Variants in CNTNAP2 observed in about 807,000 individuals in gnomAD.
CNTNAP2 encodes the protein contactin-associated protein-like 2.
CNTNAP2 carries 98 observed loss-of-function variants against 155.2 expected under a neutral mutation model. The ratio of observed to expected loss-of-function variants is 0.63; its 90% CI spans 0.54 to 0.75. The LOEUF (loss-of-function observed/expected upper bound fraction) is 0.75, where lower values mean the gene tolerates loss of function less well. Among genes scored for constraint, CNTNAP2 ranks in the 30% least tolerant of loss-of-function variants. CNTNAP2 has a pLI of 0.00. For synonymous variants in CNTNAP2, 651 were observed against 631.2 expected (o/e 1.03, Z -0.47); for missense variants, 1,727 against 1,688.1 (o/e 1.02, Z -0.40).
chr7:147,961,311 C>T lies in CNTNAP2; in HGVS notation c.2256-16551C>T, dbSNP rs566320349. ...TTCCTTTTGATCTATTTATTTGCTACACCAGGAATATTTGACATTTCCTGG... is the reference window on the plus strand; with the variant it reads ...TTCCTTTTGATCTATTTATTTGCTATACCAGGAATATTTGACATTTCCTGG... On this transcript the variant is annotated intron_variant, in intron 14 of 23. Transcript: ENST00000361727. 1.4e-3 allele frequency among the ~76,000 whole-genome samples: 213 copies of T among 152,288 alleles called. 1 individual carries two copies. The highest frequency in any genetic ancestry group is 5.0e-3 in the African/African-American group (207 of 41,574).
At chr7:148,208,160 G>C (rs1300810702) in intron 18 of CNTNAP2, among the ~76,000 whole-genome samples, 2 of 152,044 alleles carry the variant, frequency 1.3e-5, no homozygotes, top group African/African-American at 4.8e-5. Flanking sequence ...AGGCATGACA[G>C]AGCTGTGCCC....
rs371723238 is a variant in CNTNAP2, at chr7:146,151,698, GTATA to G, written c.97+34737_97+34740del. 1.1e-3 allele frequency among the ~76,000 whole-genome samples: 82 copies of G among 74,068 alleles called. 3 individuals carry two copies. Among genetic ancestry groups the G allele is most frequent in the African/African-American group, 3.1e-3 (76 of 24,902 alleles). 48.6% of individuals were successfully genotyped at this position (74,068 alleles called of 152,430 possible). A position where few individuals can be genotyped will look rare whatever the true frequency, so the allele number is the denominator to read the frequency against. ...TATATATATGTATATATATATATAT[GTATA>G]TATATATATATGTATATATATATAT... On this transcript the variant is annotated intron_variant, in intron 1 of 23. Transcript: ENST00000361727.
At chr7:146,354,386 A>G (rs1269424485) in intron 1 of CNTNAP2, among the ~76,000 whole-genome samples, 1 of 149,442 alleles carries the variant, frequency 6.7e-6, no homozygotes, top group East Asian at 2.0e-4. Flanking sequence ...GGTATATTTT[A>G]TTCTTCAGTT....
intron 14 of CNTNAP2, among the ~76,000 whole-genome samples, chr7:147,904,823 C>T (rs969269138): frequency 6.6e-6 from 1 of 151,776 alleles, no homozygotes; most frequent in Non-Finnish European, 1.5e-5. Context: ...AAATAGCTAT[C>T]ATTAATCTTT....
chr7:147,158,144 C>T (rs1180167346), intron 8 of CNTNAP2, among the ~76,000 whole-genome samples: 1 of 149,994 alleles, frequency 6.7e-6, no homozygotes, highest in Non-Finnish European at 1.5e-5. Flanking sequence ...CCAGTGACTT[C>T]TTATCTTTAG....
At chr7:147,974,551 G>A (rs1205109142) in intron 14 of CNTNAP2, among the ~76,000 whole-genome samples, 2 of 152,170 alleles carry the variant, frequency 1.3e-5, no homozygotes, top group African/African-American at 4.8e-5. Context: ...CTTGAACCCA[G>A]GAGGTGGAGG....
intron 4 of CNTNAP2, among the ~76,000 whole-genome samples, chr7:147,094,121 A>C: frequency 6.6e-6 from 1 of 152,108 alleles, no homozygotes; most frequent in Middle Eastern, 3.4e-3. Flanking sequence ...TGGCACCTCT[A>C]TACATTGCCC....
chr7:146,130,295 C>G (rs1797695381), intron 1 of CNTNAP2, among the ~76,000 whole-genome samples: 1 of 152,092 alleles, frequency 6.6e-6, no homozygotes, highest in Non-Finnish European at 1.5e-5. Flanking sequence ...GACTTTCTCT[C>G]TACAAAGAAA....
chr7:146,473,400 C>T (rs1796828511), intron 1 of CNTNAP2, among the ~76,000 whole-genome samples: 1 of 151,856 alleles, frequency 6.6e-6, no homozygotes, highest in Non-Finnish European at 1.5e-5. Flanking sequence ...CTTTTCCCTT[C>T]TTCTTTTCCT....
intron 12 of CNTNAP2, among the ~76,000 whole-genome samples, chr7:147,634,127 T>A (rs1168855538): frequency 6.6e-6 from 1 of 152,072 alleles, no homozygotes; most frequent in East Asian, 1.9e-4. Flanking sequence ...GGAAAAGAAG[T>A]CATTATATGA....
intron 21 of CNTNAP2, among the ~76,000 whole-genome samples, chr7:148,307,306 A>G (rs186173946): frequency 1.3e-5 from 2 of 152,238 alleles, no homozygotes; most frequent in African/African-American, 4.8e-5. Context: ...GTTCTTCACG[A>G]GCTTCCAGTG....
At chr7:147,274,576 C>T (rs1804851263) in intron 8 of CNTNAP2, among the ~76,000 whole-genome samples, 1 of 151,932 alleles carries the variant, frequency 6.6e-6, no homozygotes, top group Admixed American at 6.6e-5. Context: ...GACGTTAGTC[C>T]TTTGTCAGAT....
chr7:148,113,970 C>T (rs1804409963), intron 15 of CNTNAP2, among the ~76,000 whole-genome samples: 1 of 152,208 alleles, frequency 6.6e-6, no homozygotes, highest in Non-Finnish European at 1.5e-5. Flanking sequence ...TCCAGCCTTG[C>T]CTCCTCCACT....
chr7:148,193,485 ATT>A (rs1041903375), intron 18 of CNTNAP2, among the ~76,000 whole-genome samples: 1 of 151,706 alleles, frequency 6.6e-6, no homozygotes, highest in Non-Finnish European at 1.5e-5. Flanking sequence ...CATTTTCATA[ATT>A]TTTTTTTGTG....
intron 3 of CNTNAP2, among the ~76,000 whole-genome samples, chr7:146,961,763 C>G (rs918590002): frequency 6.6e-6 from 1 of 152,142 alleles, no homozygotes; most frequent in Non-Finnish European, 1.5e-5. Flanking sequence ...ACACAAGACA[C>G]AGTCTTGAGG....
chr7:146,386,937 C>T (rs1199100051), intron 1 of CNTNAP2, among the ~76,000 whole-genome samples: 4 of 152,076 alleles, frequency 2.6e-5, no homozygotes, highest in Non-Finnish European at 5.9e-5. Context: ...GAAGACTGGA[C>T]TCAAGTTCTT....
At chr7:146,293,496 G>A (rs544679916) in intron 1 of CNTNAP2, among the ~76,000 whole-genome samples, 1 of 152,126 alleles carries the variant, frequency 6.6e-6, no homozygotes, top group African/African-American at 2.4e-5. Flanking sequence ...TATAATGAAG[G>A]ATGCTTCTGA....
chr7:146,202,977 A>G (rs1003583857), intron 1 of CNTNAP2, among the ~76,000 whole-genome samples: 1 of 152,104 alleles, frequency 6.6e-6, no homozygotes, highest in African/African-American at 2.4e-5. Flanking sequence ...TCTCTGATAC[A>G]CTTTAGAGCT....
At chr7:147,305,029 G>A (rs894000280) in intron 9 of CNTNAP2, among the ~76,000 whole-genome samples, 3 of 152,084 alleles carry the variant, frequency 2.0e-5, no homozygotes, top group East Asian at 1.9e-4. Context: ...GAGTGCACCA[G>A]TCCCATCATA....
Sources: allele counts gnomAD v4.1 joint callset (sites outside exome capture counted in the v4.1 genomes callset), GRCh38; gene constraint gnomAD v4.1.1; transcripts MANE v1.5; gene names NCBI Gene and HGNC (gene_info 2026-07-23, HGNC 2026-07-21).